Variants in VOPP1 observed in about 807,000 individuals in gnomAD.
VOPP1 encodes the protein VOPP1 WW domain binding protein.
A neutral mutation model predicts 23.5 loss-of-function variants in VOPP1; 8 were observed. The observed-to-expected ratio is 0.34, with a 90% CI of 0.20 to 0.61. The LOEUF (loss-of-function observed/expected upper bound fraction) is 0.61. VOPP1 is among the 20% of genes least tolerant of loss of function. The probability of loss-of-function intolerance (pLI) is 0.78; values close to 1 mark genes in which losing one functional copy is unlikely to be tolerated. For synonymous variants in VOPP1, 83 were observed against 97.3 expected (o/e 0.85, Z 0.86); for missense variants, 174 against 238.1 (o/e 0.73, Z 1.77).
chr7:55,568,200 C>T (rs372043382), intron 1 of VOPP1, among the ~76,000 whole-genome samples: 2,123 of 151,946 alleles, frequency 0.014, 33 homozygotes, highest in South Asian at 0.063. Flanking sequence ...CAGGCTCAGC[C>T]TCCCGAGTAG....
intron 1 of VOPP1, among the ~76,000 whole-genome samples, chr7:55,526,382 C>A (rs914205366): frequency 1.3e-5 from 2 of 152,188 alleles, no homozygotes; most frequent in Admixed American, 6.5e-5. Context: ...AGAGAATAAA[C>A]CCTTGCTGAT....
intron 1 of VOPP1, among the ~76,000 whole-genome samples, chr7:55,570,102 C>T (rs1288334116): frequency 6.6e-6 from 1 of 152,140 alleles, no homozygotes; most frequent in Non-Finnish European, 1.5e-5. Flanking sequence ...GAGCCATTTG[C>T]CATGGCACAT....
At chr7:55,492,686 C>A (rs1256747577) in intron 3 of VOPP1, among the ~76,000 whole-genome samples, 2 of 152,220 alleles carry the variant, frequency 1.3e-5, no homozygotes, top group African/African-American at 4.8e-5. Flanking sequence ...TGAGGCCACC[C>A]ACCCTGAAAA....
At chr7:55,482,482 ATTTTTTTTT>A (rs71031859) in intron 4 of VOPP1, among the ~76,000 whole-genome samples, 70 of 132,774 alleles carry the variant, frequency 5.3e-4, no homozygotes, top group South Asian at 1.7e-3. Flanking sequence ...CACCTGGCTA[ATTTTTTTTT>A]TTTTTTTTTT....
At chr7:55,509,878 T>A (rs910980711) in intron 2 of VOPP1, among the ~76,000 whole-genome samples, 1 of 148,878 alleles carries the variant, frequency 6.7e-6, no homozygotes, top group African/African-American at 2.4e-5. Context: ...TCGACTCTTC[T>A]GTGAGATGCT....
At chr7:55,458,467 A>C (rs1353832577) in intron 4 of VOPP1, among the ~76,000 whole-genome samples, 1 of 152,128 alleles carries the variant, frequency 6.6e-6, no homozygotes, top group African/African-American at 2.4e-5. Flanking sequence ...AAATGACAAT[A>C]GTATTTTGAT....
chr7:55,487,183 G>A (rs1583884725), intron 4 of VOPP1, among the ~76,000 whole-genome samples: 2 of 152,262 alleles, frequency 1.3e-5, no homozygotes, highest in East Asian at 3.9e-4. Flanking sequence ...TTTTCTTGCA[G>A]TTGGTGTCAT....
chr7:55,563,329 T>C (rs1040337366), intron 1 of VOPP1, among the ~76,000 whole-genome samples: 20 of 152,224 alleles, frequency 1.3e-4, no homozygotes, highest in African/African-American at 4.8e-4. Flanking sequence ...TTTGCGTTTT[T>C]TAAAAAAATC....
intron 2 of VOPP1, among the ~76,000 whole-genome samples, chr7:55,515,607 C>T (rs1795351765): frequency 6.6e-6 from 1 of 152,162 alleles, no homozygotes; most frequent in Admixed American, 6.5e-5. Flanking sequence ...CAGCAGGCAC[C>T]ACGACCACAC....
At chr7:55,523,296 C>A (rs1475882818) in intron 1 of VOPP1, among the ~76,000 whole-genome samples, 1 of 152,134 alleles carries the variant, frequency 6.6e-6, no homozygotes, top group African/African-American at 2.4e-5. Flanking sequence ...ATTTGGCCTG[C>A]TTTACACAAA....
chr7:55,463,640 A>G lies in VOPP1; in HGVS notation n.418-27466T>C, dbSNP rs1034520115. On this transcript the variant is annotated intron_variant and non_coding_transcript_variant, in intron 4 of 4. Coordinates refer to the VOPP1 transcript ENST00000462326. The stretch of plus-strand genomic sequence containing the variant: ...TGGGGATGGGGATGCCAGGTGGGGC[A>G]GTCTTTGGGCCCCAGTGGTGGTAGT... Among the ~76,000 whole-genome samples, 3 of 152,142 alleles carry G rather than the reference A, an allele frequency of 2.0e-5. No homozygotes were observed. In the East Asian group the frequency reaches 5.8e-4, roughly 29 times the overall value.
At chr7:55,499,940 G>A (rs1794252342) in intron 2 of VOPP1, among the ~76,000 whole-genome samples, 1 of 152,186 alleles carries the variant, frequency 6.6e-6, no homozygotes, top group Admixed American at 6.5e-5. Flanking sequence ...ATCAATGTGT[G>A]TGTGCCTGTG....
intron 1 of VOPP1, chr7:55,538,693 G>C (rs1023387904): frequency 2.6e-6 from 4 of 1,534,334 alleles, no homozygotes; most frequent in Non-Finnish European, 3.5e-6. Context: ...AAACTACTTA[G>C]CTGTTCATCA....
At chr7:55,524,764 GA>G (rs1796069891) in intron 1 of VOPP1, among the ~76,000 whole-genome samples, 2 of 152,154 alleles carry the variant, frequency 1.3e-5, no homozygotes, top group African/African-American at 4.8e-5. Flanking sequence ...TGGAGACCAG[GA>G]GGTGGAGAGG....
rs536731581 is a variant in VOPP1, at chr7:55,538,581, A to G, written c.55-17451T>C. On this transcript the variant is annotated intron_variant, in intron 1 of 4. Coordinates refer to ENST00000285279, the MANE Select transcript of VOPP1 (RefSeq NM_030796.5). ...CACTGTAAACTGCTTTACATGGTTT[A>G]ATAACAAACATAATAATCCATCTAT... is the stretch of plus-strand genomic sequence containing the variant. The G allele has an allele frequency of 2.1e-5, 32 of 1,530,838 alleles. No individual in the cohort carries two copies. In the Admixed American group the frequency reaches 6.3e-4, roughly 30 times the overall value. The allele number at this position is 1,530,838 out of a possible 1,614,324, so 94.8% of individuals were successfully genotyped here.
intron 4 of VOPP1, among the ~76,000 whole-genome samples, chr7:55,453,137 T>C (rs1022083841): frequency 4.6e-5 from 7 of 152,244 alleles, no homozygotes; most frequent in Admixed American, 1.3e-4. Context: ...CAGCACTTTC[T>C]GCTGCACCCT....
chr7:55,445,216 GACAC>G (rs145051208), intron 4 of VOPP1, among the ~76,000 whole-genome samples: 23 of 102,486 alleles, frequency 2.2e-4, no homozygotes, highest in African/African-American at 5.1e-4. Context: ...CACACACACA[GACAC>G]ACACACACAG....
At chr7:55,546,917 G>A (rs1797388828) in intron 1 of VOPP1, among the ~76,000 whole-genome samples, 1 of 152,196 alleles carries the variant, frequency 6.6e-6, no homozygotes, top group Non-Finnish European at 1.5e-5. Context: ...GGAGCTACAG[G>A]CCTTGTCCCC....
At chr7:55,541,554 G>A (rs911269038) in intron 1 of VOPP1, among the ~76,000 whole-genome samples, 2 of 152,208 alleles carry the variant, frequency 1.3e-5, no homozygotes, top group Non-Finnish European at 2.9e-5. Context: ...CAGTCTAGCA[G>A]TTCCTCAAAA....
Sources: gnomAD v4.1 joint callset for allele counts (sites outside exome capture counted in the v4.1 genomes callset) on GRCh38, gnomAD v4.1.1 for gene constraint, MANE v1.5 for transcripts, NCBI Gene and HGNC (gene_info 2026-07-23, HGNC 2026-07-21) for gene names.